ERMN: variants seen among roughly 807,000 people sequenced by gnomAD.
The protein encoded by ERMN is ermin, ERM-like protein.
In ERMN, 17 loss-of-function variants were observed where a neutral mutation model predicts 21.4. The ratio of observed to expected loss-of-function variants is 0.80; its 90% CI spans 0.54 to 1.19. The LOEUF (loss-of-function observed/expected upper bound fraction) is 1.19, where lower values mean the gene tolerates loss of function less well. Among genes scored for constraint, ERMN ranks in the 50% most tolerant of loss-of-function variants. The pLI, the probability that ERMN is intolerant of heterozygous loss-of-function variation, is 0.00. For synonymous variants in ERMN, 115 were observed against 111.9 expected (o/e 1.03, Z -0.17); for missense variants, 348 against 331.6 (o/e 1.05, Z -0.38).
chr2:157,321,032 T>C lies in ERMN; in HGVS notation c.*239A>G. The C allele has an allele frequency of 1.9e-6, 1 of 532,690 alleles. No individual in the cohort carries two copies. Among genetic ancestry groups the C allele is most frequent in the Non-Finnish European group, 3.2e-6 (1 of 309,950 alleles). The allele number at this position is 532,690 out of a possible 1,614,324, so 33.0% of individuals were successfully genotyped here. A position where few individuals can be genotyped will look rare whatever the true frequency, so the allele number is the denominator to read the frequency against. On this transcript the variant is annotated 3_prime_UTR_variant, in exon 3 of 3. Coordinates refer to ENST00000410096, the MANE Select transcript of ERMN (RefSeq NM_020711.3). The stretch of plus-strand genomic sequence containing the variant: ...CTGCTTAGTGCTTATCACACAATGC[T>C]ATATTAGTGAAGTTTTAAAAGATAA...
At chr2:157,327,521 T>C (rs775411911), upstream of ERMN, 3 of 777,088 alleles carry the variant, frequency 3.9e-6, no homozygotes, top group Non-Finnish European at 7.2e-6. Flanking sequence ...CTCCATTTTA[T>C]AGACTAGAAA....
rs61547889 is a variant in ERMN at position 157,324,093 on chromosome 2, T to TACACACACACACACAC, written c.334+561_334+576dup. 5.2e-3 allele frequency: 871 copies of TACACACACACACACAC among 166,074 alleles called. 10 individuals carry two copies. Among genetic ancestry groups the TACACACACACACACAC allele is most frequent in the African/African-American group, 0.02 (811 of 39,684 alleles). 10.3% of individuals were successfully genotyped at this position (166,074 alleles called of 1,614,324 possible). A position where few individuals can be genotyped will look rare whatever the true frequency, so the allele number is the denominator to read the frequency against. On this transcript the variant is annotated intron_variant, in intron 2 of 2. Transcript: ENST00000410096. ...GGTGAAACTCCGTCTCTACTAAAAA[T>TACACACACACACACAC]ACACACACACACACACACACACACA...
upstream of ERMN, among the ~76,000 whole-genome samples, chr2:157,326,411 G>A (rs1684069132): frequency 6.6e-6 from 1 of 152,102 alleles, no homozygotes; most frequent in Non-Finnish European, 1.5e-5. Context: ...AATTTACTTA[G>A]TCTATAGCTT....
intron 1 of ERMN, 163 bp downstream of exon 1, chr2:157,325,239 G>T: frequency 1.0e-6 from 1 of 983,870 alleles, no homozygotes; most frequent in Non-Finnish European, 1.6e-6. Context: ...AGACCAGCCT[G>T]GATTTCACCA....
intron 2 of ERMN, chr2:157,324,220 C>A: frequency 4.1e-6 from 1 of 241,046 alleles, no homozygotes; most frequent in Non-Finnish European, 8.3e-6. Context: ...TGCAGTCTGC[C>A]GAGATTGCAC....
chr2:157,326,350 T>C (rs554807241), upstream of ERMN, among the ~76,000 whole-genome samples: 50 of 152,318 alleles, frequency 3.3e-4, no homozygotes, highest in Non-Finnish European at 5.7e-4. Context: ...ACCTATGAAA[T>C]AAACAAATTC....
chr2:157,319,869 A>T lies in ERMN; in HGVS notation c.*1402T>A, dbSNP rs962823907. The T allele has an allele frequency of 1.3e-5, 2 of 152,224 alleles. No homozygotes were observed. Among genetic ancestry groups the T allele is most frequent in the Non-Finnish European group, 2.9e-5 (2 of 68,030 alleles). 9.4% of individuals were successfully genotyped at this position (152,224 alleles called of 1,614,324 possible). ...GGATTAAAGAAGTTGTCATTAGAATATGTGGGATTTATGTTACACATAAAT... is the reference window on the plus strand; with the variant it reads ...GGATTAAAGAAGTTGTCATTAGAATTTGTGGGATTTATGTTACACATAAAT... On this transcript the variant is annotated 3_prime_UTR_variant, in exon 3 of 3. Coordinates refer to ENST00000410096, the MANE Select transcript of ERMN (RefSeq NM_020711.3).
upstream of ERMN, among the ~76,000 whole-genome samples, chr2:157,326,341 C>T (rs148298088): frequency 9.8e-5 from 15 of 152,306 alleles, no homozygotes; most frequent in East Asian, 7.7e-4. Flanking sequence ...GGAGAAGGGA[C>T]CTATGAAATA....
chr2:157,321,845 C>A (rs577383375), intron 2 of ERMN, 54 bp from the exon 3 acceptor site: 24 of 1,439,034 alleles, frequency 1.7e-5, no homozygotes, highest in Non-Finnish European at 2.2e-5. Context: ...AAATACCCAG[C>A]CATTAGTCTG....
At chr2:157,323,440 T>C (rs1683967908) in intron 2 of ERMN, among the ~76,000 whole-genome samples, 1 of 152,220 alleles carries the variant, frequency 6.6e-6, no homozygotes, top group African/African-American at 2.4e-5. Flanking sequence ...TCCTTAAGTG[T>C]TGCTACACTG....
intron 2 of ERMN, among the ~76,000 whole-genome samples, chr2:157,323,888 T>G (rs767723384): frequency 1.3e-5 from 2 of 152,218 alleles, no homozygotes; most frequent in Non-Finnish European, 2.9e-5. Flanking sequence ...TTCTTTGACA[T>G]GAAATAGTTA....
chr2:157,326,274 A>G (rs1181820595), upstream of ERMN, among the ~76,000 whole-genome samples: 1 of 152,272 alleles, frequency 6.6e-6, no homozygotes, highest in African/African-American at 2.4e-5. Flanking sequence ...TATAAACAGG[A>G]CAACTTTACT....
In ERMN at chr2:157,321,453, C is replaced by A; in HGVS notation, c.673G>T (p.Asp225Tyr). The change falls in exon 3 of 3, where the codon GAC becomes TAC. Residue 225 changes from aspartate to tyrosine, a missense_variant. Physicochemically the swap from Asp to Tyr is radical, Grantham distance 160 (BLOSUM62 -3). Coordinates refer to ENST00000410096, the MANE Select transcript of ERMN (RefSeq NM_020711.3). ...GAACTGGCACTGCTCAGTGGGGAGT[C>A]CTCACTTGCATCACCTTCCTCTTTA... ...QFKEEGDASE[D>Y]SPLSSASSQA... is the part of the protein sequence containing the mutation. 6.2e-7 allele frequency: 1 copy of A among 1,614,124 alleles called. No homozygotes were observed. The highest frequency in any genetic ancestry group is 1.3e-5 in the African/African-American group (1 of 75,016).
Position 157,325,688 on chromosome 2 carries a change from G to A in ERMN, c.-46C>T. ...CTGGAGAGAGAGCTTTAGGGAAACT[G>A]AGTGAGTAGATCCTTGATAAGATAC... On this transcript the variant is annotated 5_prime_UTR_variant, in exon 1 of 3. Coordinates refer to ENST00000410096, the MANE Select transcript of ERMN (RefSeq NM_020711.3). 1 of 1,612,858 alleles carries A rather than the reference G, an allele frequency of 6.2e-7. No homozygotes were observed. Among genetic ancestry groups the A allele is most frequent in the Non-Finnish European group, 8.5e-7 (1 of 1,178,934 alleles).
rs147316231 is a variant in ERMN, at chr2:157,323,927, T to C, written c.334+743A>G. 5.1e-3 allele frequency among the ~76,000 whole-genome samples: 775 copies of C among 152,314 alleles called. 5 individuals are homozygous for C. Among genetic ancestry groups the C allele is most frequent in the African/African-American group, 0.017 (724 of 41,570 alleles). ...ATTTTGTATTTACATTAGAGGCCTA[T>C]AAAGTAAATCATTTCGTGAGATTAC... On this transcript the variant is annotated intron_variant, in intron 2 of 2. Transcript: ENST00000410096.
At position 157,325,435 on chromosome 2, in the gene ERMN, G is replaced by A; in HGVS notation, c.208C>T (p.Leu70Phe). Residue 70 changes from leucine (L) to phenylalanine (F), a missense_variant, in exon 1 of 3, where the codon CTC (leucine) becomes TTC (phenylalanine). Coordinates refer to ENST00000410096, the MANE Select transcript of ERMN (RefSeq NM_020711.3). ...ERRKLQGNML[L>F]NSSMEDKMLK... is the part of the protein sequence containing the mutation. ...ATTTTGTCCTCCATGGATGAGTTGA[G>A]CAGCATGTTCCCTTGTAATTTTCTT... is the stretch of plus-strand genomic sequence containing the variant. The A allele has an allele frequency of 6.2e-7, 1 of 1,614,120 alleles. No individual in the cohort carries two copies. The highest frequency in any genetic ancestry group is 8.5e-7 in the Non-Finnish European group (1 of 1,180,002).
intron 1 of ERMN, 64 bp downstream of exon 1, chr2:157,325,338 A>C: frequency 1.2e-6 from 2 of 1,601,742 alleles, no homozygotes; most frequent in Non-Finnish European, 1.7e-6. Context: ...ATAGTTTATC[A>C]AAAAAATCCA....
Position 157,325,635 on chromosome 2 carries a change from T to C in ERMN, c.8A>G (p.Asp3Gly). The C allele has an allele frequency of 1.2e-6, 2 of 1,614,178 alleles. No homozygotes were observed. The highest frequency in any genetic ancestry group is 1.3e-5 in the African/African-American group (1 of 75,062). The change falls in exon 1 of 3, where the codon GAT becomes GGT. Residue 3 changes from aspartate to glycine, a missense_variant. By Grantham distance (94) the Asp-to-Gly change is moderately conservative. Coordinates refer to ENST00000410096, the MANE Select transcript of ERMN (RefSeq NM_020711.3). ...AGCCTGGGTAAATGTAGCCGGAACA[T>C]CTGTCATGATGTGCGGTTGAATCCG... MT[D>G]VPATFTQAEC...
At chr2:157,323,158 C>G (rs1358213110) in intron 2 of ERMN, among the ~76,000 whole-genome samples, 1 of 152,108 alleles carries the variant, frequency 6.6e-6, no homozygotes, top group Non-Finnish European at 1.5e-5. Context: ...ACCAGCGAGA[C>G]CATCTAGCTG....
Sources: gnomAD v4.1 joint callset for allele counts (sites outside exome capture counted in the v4.1 genomes callset) on GRCh38, gnomAD v4.1.1 for gene constraint, MANE v1.5 for transcripts, NCBI Gene and HGNC (gene_info 2026-07-23, HGNC 2026-07-21) for gene names.